Variants in TRAPPC13 observed in about 807,000 individuals in gnomAD.
The protein encoded by TRAPPC13 is trafficking protein particle complex subunit 13, also known as REV7-interacting novel NHEJ regulator 1.
Under a neutral mutation model 54.0 loss-of-function variants are expected in TRAPPC13, and 39 were observed. The observed-to-expected ratio is 0.72, with a 90% CI of 0.56 to 0.94. The LOEUF (loss-of-function observed/expected upper bound fraction) is 0.94. Ranked by LOEUF, TRAPPC13 falls within the 40% of genes least tolerant of loss-of-function variation. The probability of loss-of-function intolerance (pLI) is 0.00; values close to 1 mark genes in which losing one functional copy is unlikely to be tolerated. For missense variants in TRAPPC13, 386 were observed against 488.1 expected (o/e 0.79, Z 1.97); for synonymous variants, 148 against 167.7 (o/e 0.88, Z 0.91).
At chr5:65,654,792 G>C (rs1756588474) in intron 7 of TRAPPC13, among the ~76,000 whole-genome samples, 1 of 152,182 alleles carries the variant, frequency 6.6e-6, no homozygotes, top group Non-Finnish European at 1.5e-5. Context: ...GAAAAGCCTT[G>C]CAGGCAGATT....
At chr5:65,655,147 C>T (rs1198030279) in intron 7 of TRAPPC13, among the ~76,000 whole-genome samples, 1 of 152,078 alleles carries the variant, frequency 6.6e-6, no homozygotes, top group Non-Finnish European at 1.5e-5. Context: ...GTGGTTCAGC[C>T]CCACATTCCC....
chr5:65,648,873 A>T (rs1440587428), intron 5 of TRAPPC13, among the ~76,000 whole-genome samples: 2 of 152,106 alleles, frequency 1.3e-5, no homozygotes, highest in Non-Finnish European at 2.9e-5. Context: ...TTATTTTTTT[A>T]AATACAGTGT....
At chr5:65,638,052 G>A (rs1182400155) in intron 4 of TRAPPC13, among the ~76,000 whole-genome samples, 1 of 150,974 alleles carries the variant, frequency 6.6e-6, no homozygotes, top group Non-Finnish European at 1.5e-5. Context: ...GAACCCGGGA[G>A]GTGAAGGTTG....
In TRAPPC13 at chr5:65,662,323, TTTTTAA is replaced by T; in HGVS notation, c.998+174_998+179del. 3 of 493,682 alleles carry T rather than the reference TTTTTAA, an allele frequency of 6.1e-6. No individual in the cohort carries two copies. The East Asian group carries it at 1.0e-4, about 17-fold the overall frequency. The allele number at this position is 493,682 out of a possible 1,614,324, so 30.6% of individuals were successfully genotyped here. On this transcript the variant is annotated intron_variant, in intron 11 of 12. Coordinates refer to ENST00000399438, the MANE Select transcript of TRAPPC13 (RefSeq NM_024941.4). ...CATCTGGTAGCAGTATAATTACATA[TTTTTAA>T]GGGCCTATTGTATTATGCATCTTCT...
chr5:65,649,907 A>G (rs1756361952), intron 5 of TRAPPC13, among the ~76,000 whole-genome samples: 3 of 143,566 alleles, frequency 2.1e-5, no homozygotes, highest in Non-Finnish European at 4.5e-5. Context: ...CCCAGACTGG[A>G]GTGCAGTGGC....
rs902948810 is a variant in TRAPPC13 at position 65,665,864 on chromosome 5, T to C, written c.*1253T>C. 2.6e-5 allele frequency: 4 copies of C among 152,616 alleles called. No homozygotes were observed. The highest frequency in any genetic ancestry group is 4.4e-5 in the Non-Finnish European group (3 of 67,998). The allele number at this position is 152,616 out of a possible 1,614,324, so 9.5% of individuals were successfully genotyped here. Reference sequence around the variant, plus strand: ...ATAAAAGCTATTCTATTTTGGTAAGTTGAAATTCAAGAATGTATATATAAT... The same window carrying C: ...ATAAAAGCTATTCTATTTTGGTAAGCTGAAATTCAAGAATGTATATATAAT... On this transcript the variant is annotated 3_prime_UTR_variant, in exon 13 of 13. Transcript: ENST00000399438.
rs1364141717 is a variant in TRAPPC13, at chr5:65,651,739, G to GT, written c.502-761dup. ...TGTATATGGTTTTTTTCATTCCTTT[G>GT]TAAGTGGAAGAAAAAATACTATTCA... On this transcript the variant is annotated intron_variant, in intron 6 of 12. Coordinates refer to ENST00000399438, the MANE Select transcript of TRAPPC13 (RefSeq NM_024941.4). Among the ~76,000 whole-genome samples the GT allele has an allele frequency of 8.5e-5, 12 of 141,882 alleles. No homozygotes were observed. The East Asian group carries it at 2.6e-3, about 31-fold the overall frequency. The allele number at this position is 141,882 out of a possible 152,430, so 93.1% of individuals were successfully genotyped here.
chr5:65,630,153 A>G (rs1423913719), intron 1 of TRAPPC13: 5 of 1,536,040 alleles, frequency 3.3e-6, no homozygotes, highest in Non-Finnish European at 4.4e-6. Context: ...ACAAAACTCA[A>G]TCAAATTATT....
rs1186676235 is a variant in TRAPPC13, at chr5:65,665,910, T to A, written c.*1299T>A. 1 of 152,622 alleles carries A rather than the reference T, an allele frequency of 6.6e-6. No homozygotes were observed. Among genetic ancestry groups the A allele is most frequent in the Non-Finnish European group, 1.5e-5 (1 of 68,022 alleles). 9.5% of individuals were successfully genotyped at this position (152,622 alleles called of 1,614,324 possible). ...ATAATTTCTTAAATGTAAGAGTGCA[T>A]TAAATCAAATACAAAAATTGGTTTT... On this transcript the variant is annotated 3_prime_UTR_variant, in exon 13 of 13. Coordinates refer to ENST00000399438, the MANE Select transcript of TRAPPC13 (RefSeq NM_024941.4).
At chr5:65,659,805 A>AT (rs1053088702) in intron 9 of TRAPPC13, among the ~76,000 whole-genome samples, 8 of 151,526 alleles carry the variant, frequency 5.3e-5, no homozygotes, top group African/African-American at 9.7e-5. Context: ...GCAACTTGGC[A>AT]TTTTTTTTAT....
At chr5:65,664,105 T>C in intron 11 of TRAPPC13, 132 bp from the exon 12 acceptor site, 1 of 951,416 alleles carries the variant, frequency 1.1e-6, no homozygotes, top group Admixed American at 2.5e-5. Context: ...AATGTTATAA[T>C]AGCTTTTCTC....
intron 11 of TRAPPC13, chr5:65,663,552 A>G (rs922938633): frequency 6.6e-6 from 1 of 152,220 alleles, no homozygotes; most frequent in Admixed American, 6.5e-5. Flanking sequence ...GGAGCCAAGT[A>G]TAAGAATAAA....
intron 1 of TRAPPC13, among the ~76,000 whole-genome samples, chr5:65,628,641 T>G (rs1755364285): frequency 6.6e-6 from 1 of 151,882 alleles, no homozygotes; most frequent in African/African-American, 2.4e-5. Flanking sequence ...CCGGCTATTT[T>G]TTGTATCTTT....
chr5:65,625,145 C>T (rs747557088), intron 1 of TRAPPC13, 39 bp downstream of exon 1: 11 of 1,546,426 alleles, frequency 7.1e-6, no homozygotes, highest in Non-Finnish European at 8.0e-6. Context: ...TTTCTGTTTC[C>T]TTGCATTCCC....
At chr5:65,659,485 A>G (rs1174027078) in intron 9 of TRAPPC13, among the ~76,000 whole-genome samples, 2 of 152,232 alleles carry the variant, frequency 1.3e-5, no homozygotes, top group Non-Finnish European at 2.9e-5. Flanking sequence ...TGCAAATAAT[A>G]AAATGGAGGA....
At chr5:65,657,802 A>G (rs1341729182) in intron 8 of TRAPPC13, among the ~76,000 whole-genome samples, 1 of 152,210 alleles carries the variant, frequency 6.6e-6, no homozygotes, top group African/African-American at 2.4e-5. Context: ...AGCCCTCAAT[A>G]TACATTTAAA....
At chr5:65,655,578 TTTTTC>T in intron 7 of TRAPPC13, 53 bp from the exon 8 acceptor site, 1 of 604,084 alleles carries the variant, frequency 1.7e-6, no homozygotes, top group Non-Finnish European at 2.4e-6. Context: ...AAGTAATTCT[TTTTTC>T]TTTAACATTT....
rs1756818121 is a variant in TRAPPC13, at chr5:65,660,703, T to G, written c.703T>G (p.Ser235Ala). 2.5e-6 allele frequency: 4 copies of G among 1,604,072 alleles called. 1 individual carries two copies. The South Asian group carries it at 4.5e-5, about 18-fold the overall frequency. The part of the protein sequence containing the change: ...NSVSQAGECV[S>A]TFGSRAYLQP... ...CTCTGTCTCCACCCCTCTCAGTGTG[T>G]CTACGTTTGGGTCAAGAGCATATTT... Residue 235 changes from serine to alanine, a missense_variant, in exon 10 of 13, where the codon TCT becomes GCT. By Grantham distance (99) the Ser-to-Ala change is moderately conservative. Transcript: ENST00000399438.
chr5:65,630,708 T>A, intron 1 of TRAPPC13: 1 of 983,774 alleles, frequency 1.0e-6, no homozygotes, highest in African/African-American at 1.7e-5. Flanking sequence ...CAATTCTCTT[T>A]GGAGTGCTAT....
Sources: allele counts gnomAD v4.1 joint callset (sites outside exome capture counted in the v4.1 genomes callset), GRCh38; gene constraint gnomAD v4.1.1; transcripts MANE v1.5; gene names NCBI Gene and HGNC (gene_info 2026-07-23, HGNC 2026-07-21).